The following SYT9 variants were observed in gnomAD, a reference collection of about 807,000 sequenced individuals.
SYT9 encodes synaptotagmin 9.
A neutral mutation model predicts 48.4 loss-of-function variants in SYT9; 22 were observed. The ratio of observed to expected loss-of-function variants is 0.45; its 90% CI spans 0.32 to 0.65. SYT9 has a LOEUF of 0.65. SYT9 is among the 30% of genes least tolerant of loss of function. The probability of loss-of-function intolerance (pLI) is 0.03; values close to 1 mark genes in which losing one functional copy is unlikely to be tolerated. For synonymous variants in SYT9, 265 were observed against 245.0 expected (o/e 1.08, Z -0.76); for missense variants, 577 against 622.0 (o/e 0.93, Z 0.77).
chr11:7,331,380 A>C (rs1193383341), intron 3 of SYT9, among the ~76,000 whole-genome samples: 1 of 151,532 alleles, frequency 6.6e-6, no homozygotes, highest in African/African-American at 2.4e-5. Flanking sequence ...ATTACCTTCT[A>C]TTATTTCAGC....
chr11:7,309,342 A>G (rs1195748221), intron 2 of SYT9, among the ~76,000 whole-genome samples: 1 of 152,130 alleles, frequency 6.6e-6, no homozygotes, highest in Non-Finnish European at 1.5e-5. Flanking sequence ...GTTGGGGTCC[A>G]CTTTTTTTCA....
At chr11:7,455,908 G>C (rs1848143710) in intron 6 of SYT9, among the ~76,000 whole-genome samples, 1 of 152,124 alleles carries the variant, frequency 6.6e-6, no homozygotes, top group Non-Finnish European at 1.5e-5. Flanking sequence ...CAGTCAGATG[G>C]GGCTGATCCC....
At chr11:7,403,451 T>C (rs1846938064) in intron 3 of SYT9, among the ~76,000 whole-genome samples, 1 of 151,936 alleles carries the variant, frequency 6.6e-6, no homozygotes, top group African/African-American at 2.4e-5. Context: ...ACTCGTAAGG[T>C]TAAGGTGGGA....
rs181756375 is a variant in SYT9 at position 7,336,759 on chromosome 11, G to T, written c.1044+22818G>T. On this transcript the variant is annotated intron_variant, in intron 3 of 6. Transcript: ENST00000318881. Reference sequence around the variant, plus strand: ...ATTACTGTAGCCCTGTAGTAACAGGGTAACATGTTGAGGTTGGGGAATGTG... The same window carrying T: ...ATTACTGTAGCCCTGTAGTAACAGGTTAACATGTTGAGGTTGGGGAATGTG... Among the ~76,000 whole-genome samples, 36 of 151,840 alleles carry T rather than the reference G, an allele frequency of 2.4e-4. 1 individual carries two copies. The highest frequency in any genetic ancestry group is 5.9e-5 in the Non-Finnish European group (4 of 67,752).
chr11:7,457,042 T>A (rs1487668531), intron 6 of SYT9: 1 of 152,224 alleles, frequency 6.6e-6, no homozygotes, highest in East Asian at 1.9e-4. Context: ...AAGATCGAGT[T>A]CCCTACCTTG....
Position 7,406,550 on chromosome 11 carries a change from ATAT to A in SYT9, c.1045-9491_1045-9489del, listed in dbSNP as rs1847017284. 1.3e-5 allele frequency among the ~76,000 whole-genome samples: 2 copies of A among 148,344 alleles called. 1 individual carries two copies. The highest frequency in any genetic ancestry group is 4.3e-4 in the South Asian group (2 of 4,684). On this transcript the variant is annotated intron_variant, in intron 3 of 6. Transcript: ENST00000318881. The stretch of plus-strand genomic sequence containing the variant: ...TTCAATTGCGCATATATATATATAT[ATAT>A]ATATATATATATATAGCACATTTTC...
intron 6 of SYT9, among the ~76,000 whole-genome samples, chr11:7,458,992 C>A (rs1848197929): frequency 1.3e-5 from 2 of 152,200 alleles, no homozygotes; most frequent in Non-Finnish European, 2.9e-5. Context: ...CTGCTATAAT[C>A]TAGATGGCAA....
intron 6 of SYT9, among the ~76,000 whole-genome samples, chr11:7,458,413 A>G (rs1475758238): frequency 6.6e-6 from 1 of 152,176 alleles, no homozygotes; most frequent in Non-Finnish European, 1.5e-5. Context: ...CCTGGGAGGC[A>G]GAGGTTGCAG....
chr11:7,300,779 C>G (rs1487524961), intron 1 of SYT9, among the ~76,000 whole-genome samples: 1 of 152,124 alleles, frequency 6.6e-6, no homozygotes, highest in Non-Finnish European at 1.5e-5. Context: ...TCGTGGTCCC[C>G]CAGCACTATC....
intron 3 of SYT9, among the ~76,000 whole-genome samples, chr11:7,365,537 G>A (rs72856432): frequency 0.062 from 9,467 of 152,132 alleles, 362 homozygotes; most frequent in Middle Eastern, 0.13. Context: ...GGACTGTTTC[G>A]TTTGTCTTTG....
At chr11:7,407,003 T>A (rs1847027634) in intron 3 of SYT9, among the ~76,000 whole-genome samples, 1 of 152,166 alleles carries the variant, frequency 6.6e-6, no homozygotes, top group African/African-American at 2.4e-5. Context: ...CTTTTCTTGA[T>A]AAATATCTAT....
intron 1 of SYT9, among the ~76,000 whole-genome samples, chr11:7,246,084 C>G (rs967485829): frequency 6.6e-6 from 1 of 152,068 alleles, no homozygotes. Flanking sequence ...TCTCTTTGTC[C>G]TTCTCTCAAA....
chr11:7,292,232 T>C (rs750780959), intron 1 of SYT9, among the ~76,000 whole-genome samples: 1 of 152,186 alleles, frequency 6.6e-6, no homozygotes, highest in Admixed American at 6.5e-5. Flanking sequence ...AAACATGAAT[T>C]TGATCAAAGC....
intron 1 of SYT9, among the ~76,000 whole-genome samples, chr11:7,254,495 G>A (rs984071607): frequency 6.6e-6 from 1 of 152,134 alleles, no homozygotes; most frequent in South Asian, 2.1e-4. Flanking sequence ...TCCCTCTGAA[G>A]CAAGAGTGTC....
At chr11:7,264,313 T>C (rs896152310) in intron 1 of SYT9, among the ~76,000 whole-genome samples, 3 of 152,132 alleles carry the variant, frequency 2.0e-5, no homozygotes, top group African/African-American at 7.2e-5. Context: ...AAGTTGGCGA[T>C]CATGAATTTA....
Position 7,407,601 on chromosome 11 carries a change from C to T in SYT9, c.1045-8441C>T, listed in dbSNP as rs1590004420. ...TTCACCTTGTTAGCCAGGATGGTCTCGATCTCCTGACCTCATGATCCACCC... is the reference window on the plus strand; with the variant it reads ...TTCACCTTGTTAGCCAGGATGGTCTTGATCTCCTGACCTCATGATCCACCC... On this transcript the variant is annotated intron_variant, in intron 3 of 6. Coordinates refer to ENST00000318881, the MANE Select transcript of SYT9 (RefSeq NM_175733.4). 1.6e-5 allele frequency among the ~76,000 whole-genome samples: 2 copies of T among 125,708 alleles called. 1 individual carries two copies. Among genetic ancestry groups the T allele is most frequent in the African/African-American group, 7.7e-5 (2 of 25,868 alleles). The allele number at this position is 125,708 out of a possible 152,430, so 82.5% of individuals were successfully genotyped here.
chr11:7,373,603 G>T (rs1354242255), intron 3 of SYT9, among the ~76,000 whole-genome samples: 2 of 152,082 alleles, frequency 1.3e-5, no homozygotes, highest in African/African-American at 4.8e-5. Context: ...AAGCTGCAGG[G>T]TGTACCTAGG....
chr11:7,251,377 C>G (rs1283023842), upstream of SYT9, among the ~76,000 whole-genome samples: 1 of 152,142 alleles, frequency 6.6e-6, no homozygotes, highest in Non-Finnish European at 1.5e-5. Flanking sequence ...GATCTTAGTT[C>G]TGACCTAGAG....
intron 6 of SYT9, chr11:7,439,171 T>C (rs1013140206): frequency 6.6e-6 from 1 of 152,090 alleles, no homozygotes; most frequent in Non-Finnish European, 1.5e-5. Flanking sequence ...ATGGAAGAAA[T>C]TATAGAAACT....
Sources: allele counts gnomAD v4.1 joint callset (sites outside exome capture counted in the v4.1 genomes callset), GRCh38; gene constraint gnomAD v4.1.1; transcripts MANE v1.5; gene names NCBI Gene and HGNC (gene_info 2026-07-23, HGNC 2026-07-21).